Variants in SLC13A5 observed in about 807,000 individuals in gnomAD.
The protein encoded by SLC13A5 is Na(+)/citrate cotransporter.
In SLC13A5, 25 loss-of-function variants were observed where a neutral mutation model predicts 56.5. The ratio of observed to expected loss-of-function variants is 0.44; its 90% CI spans 0.32 to 0.62. The LOEUF is 0.62. SLC13A5 is among the 20% of genes least tolerant of loss of function. SLC13A5 has a pLI of 0.04. For synonymous variants in SLC13A5, 307 were observed against 301.5 expected (o/e 1.02, Z -0.19); for missense variants, 649 against 737.8 (o/e 0.88, Z 1.39).
chr17:6,696,599 G>A lies in SLC13A5; in HGVS notation c.840-658C>T, dbSNP rs575610042. 3.3e-5 allele frequency among the ~76,000 whole-genome samples: 5 copies of A among 152,192 alleles called. No homozygotes were observed. In the South Asian group the frequency reaches 8.3e-4, roughly 25 times the overall value. On this transcript the variant is annotated intron_variant, in intron 6 of 11. Transcript: ENST00000433363. ...CCTGCAGGGCCTCCCCTAAGGTGGC[G>A]TTGGCATGAGGAGGCAGGGAGGAGA... is the stretch of plus-strand genomic sequence containing the variant.
chr17:6,692,290 C>CGGAT lies in SLC13A5; in HGVS notation c.1275+750_1275+753dup, dbSNP rs756927129. Among the ~76,000 whole-genome samples the CGGAT allele has an allele frequency of 6.7e-6, 1 of 149,016 alleles. No individual in the cohort carries two copies. The highest frequency in any genetic ancestry group is 1.5e-5 in the Non-Finnish European group (1 of 67,524). ...ATGGATGGATGGACGGATGGACGGA[C>CGGAT]GGATGGATGGATGAAGACATGAATA... On this transcript the variant is annotated intron_variant, in intron 9 of 11. Coordinates refer to ENST00000433363, the MANE Select transcript of SLC13A5 (RefSeq NM_177550.5). This position sits in a 1 kb window ranked among gnomAD's most constrained non-coding sequence, Gnocchi z 5.5.
At position 6,692,041 on chromosome 17, in the gene SLC13A5, A is replaced by C. The variant is rs1973419360; in HGVS notation, c.1275+1003T>G. On this transcript the variant is annotated intron_variant, in intron 9 of 11. Transcript: ENST00000433363. The surrounding 1 kb of genome is among the most constrained non-coding windows in gnomAD (Gnocchi z 5.5). ...TCTGTGAAGTCTGCCACGAACAGGGACCGTATCTCAATCTCCTCTGTAATC... is the reference window on the plus strand; with the variant it reads ...TCTGTGAAGTCTGCCACGAACAGGGCCCGTATCTCAATCTCCTCTGTAATC... Among the ~76,000 whole-genome samples, 1 of 152,110 alleles carries C rather than the reference A, an allele frequency of 6.6e-6. No individual in the cohort carries two copies.
At chr17:6,694,026 GCA>G (rs1973489037) in intron 8 of SLC13A5, 69 bp downstream of exon 8, 12 of 973,730 alleles carry the variant, frequency 1.2e-5, no homozygotes, top group Non-Finnish European at 1.7e-5. Context: ...AGGGCCCAAG[GCA>G]TCCCATAGTG....
intron 1 of SLC13A5, among the ~76,000 whole-genome samples, chr17:6,708,927 G>A (rs4274481): frequency 0.22 from 32,789 of 151,492 alleles, 3,865 homozygotes; most frequent in East Asian, 0.32. Context: ...TAATGTGCAC[G>A]CTCCACACAG....
chr17:6,686,555 C>G (rs1366914796), intron 11 of SLC13A5: 2 of 552,050 alleles, frequency 3.6e-6, no homozygotes, highest in East Asian at 6.3e-5. Flanking sequence ...GATGGGTTCT[C>G]TATGCCCGTG....
Position 6,692,073 on chromosome 17 carries a change from C to A in SLC13A5, c.1275+971G>T, listed in dbSNP as rs929197536. Among the ~76,000 whole-genome samples, 1 of 151,902 alleles carries A rather than the reference C, an allele frequency of 6.6e-6. No homozygotes were observed. Among genetic ancestry groups the A allele is most frequent in the Non-Finnish European group, 1.5e-5 (1 of 68,014 alleles). ...CTCAATCTCCTCTGTAATCTCTGTG[C>A]CTGGCATAACACTAGGGACATAATA... On this transcript the variant is annotated intron_variant, in intron 9 of 11. Coordinates refer to ENST00000433363, the MANE Select transcript of SLC13A5 (RefSeq NM_177550.5). This position sits in a 1 kb window ranked among gnomAD's most constrained non-coding sequence, Gnocchi z 5.5.
chr17:6,685,137 G>T lies in SLC13A5; in HGVS notation c.*1070C>A, dbSNP rs1317262693. On this transcript the variant is annotated 3_prime_UTR_variant, in exon 12 of 12. Coordinates refer to ENST00000433363, the MANE Select transcript of SLC13A5 (RefSeq NM_177550.5). The surrounding 1 kb of genome is among the most constrained non-coding windows in gnomAD (Gnocchi z 4.2). The stretch of plus-strand genomic sequence containing the variant: ...CGATCCTCTGTTGTCACCAGCCATG[G>T]CTGTGAAGGCCAGTCAACAAAGGGA... 6.6e-6 allele frequency: 1 copy of T among 152,248 alleles called. No homozygotes were observed. Among genetic ancestry groups the T allele is most frequent in the African/African-American group, 2.4e-5 (1 of 41,444 alleles). 9.4% of individuals were successfully genotyped at this position (152,248 alleles called of 1,614,324 possible).
chr17:6,709,749 T>A (rs1309801131), intron 1 of SLC13A5, among the ~76,000 whole-genome samples: 1 of 152,184 alleles, frequency 6.6e-6, no homozygotes, highest in Non-Finnish European at 1.5e-5. Context: ...GGTTGTGTTA[T>A]CAGCCACAAA....
intron 6 of SLC13A5, among the ~76,000 whole-genome samples, chr17:6,699,279 A>C (rs1973647061): frequency 6.6e-6 from 1 of 151,964 alleles, no homozygotes; most frequent in South Asian, 2.1e-4. Flanking sequence ...AATGAACAGG[A>C]CTTTGGCCCT....
intron 4 of SLC13A5, among the ~76,000 whole-genome samples, chr17:6,703,341 A>C (rs1973770516): frequency 6.6e-6 from 1 of 152,340 alleles, no homozygotes; most frequent in Non-Finnish European, 1.5e-5. Context: ...GGGTCTGGCA[A>C]TCAGGCCGTC....
intron 1 of SLC13A5, among the ~76,000 whole-genome samples, chr17:6,708,263 C>T (rs1316823270): frequency 6.6e-6 from 1 of 152,254 alleles, no homozygotes; most frequent in Non-Finnish European, 1.5e-5. Context: ...CCACCGCGCC[C>T]AACCTCAGAG....
At position 6,701,977 on chromosome 17, in the gene SLC13A5, C is replaced by CT. The variant is rs1357993339; in HGVS notation, c.717-852dup. 6.6e-6 allele frequency among the ~76,000 whole-genome samples: 1 copy of CT among 152,212 alleles called. No individual in the cohort carries two copies. The highest frequency in any genetic ancestry group is 1.5e-5 in the Non-Finnish European group (1 of 68,044). ...CAAGAGTGTCAAAGCAGGCGCAGAG[C>CT]TTTCCCCACTCAGCCCAGACGGGCT... On this transcript the variant is annotated intron_variant, in intron 5 of 11. Transcript: ENST00000433363. This position sits in a 1 kb window ranked among gnomAD's most constrained non-coding sequence, Gnocchi z 4.1.
Position 6,692,274 on chromosome 17 carries a change from T to TGGACGGATGGAC in SLC13A5, c.1275+758_1275+769dup, listed in dbSNP as rs1313438631. Among the ~76,000 whole-genome samples, 2 of 149,216 alleles carry TGGACGGATGGAC rather than the reference T, an allele frequency of 1.3e-5. No homozygotes were observed. The highest frequency in any genetic ancestry group is 4.9e-5 in the African/African-American group (2 of 40,506). ...ATGGATGGATGGATGGATGGATGGA[T>TGGACGGATGGAC]GGACGGATGGACGGACGGATGGATG... On this transcript the variant is annotated intron_variant, in intron 9 of 11. Transcript: ENST00000433363. This position sits in a 1 kb window ranked among gnomAD's most constrained non-coding sequence, Gnocchi z 5.5.
At chr17:6,703,299 A>G (rs1289666098) in intron 4 of SLC13A5, among the ~76,000 whole-genome samples, 161 bp from the exon 5 acceptor site, 1 of 152,216 alleles carries the variant, frequency 6.6e-6, no homozygotes, top group Non-Finnish European at 1.5e-5. Context: ...GATGTGCCCG[A>G]TTCCTCTCTG....
chr17:6,687,519 G>A lies in SLC13A5; in HGVS notation c.1575+10C>T. 1.2e-6 allele frequency: 2 copies of A among 1,613,550 alleles called. No homozygotes were observed. The highest frequency in any genetic ancestry group is 1.7e-5 in the Admixed American group (1 of 59,838). The stretch of plus-strand genomic sequence containing the variant: ...AGTCCGACGGGAGTAAATAAAAACA[G>A]CTGTGTTACCATGTCAGCAACCTTG... On this transcript the variant is annotated intron_variant, in intron 11 of 11. Transcript: ENST00000433363. The surrounding 1 kb of genome is among the most constrained non-coding windows in gnomAD (Gnocchi z 5.0).
Position 6,687,792 on chromosome 17 carries a change from C to T in SLC13A5, c.1438-126G>A. 1 of 1,208,096 alleles carries T rather than the reference C, an allele frequency of 8.3e-7. No individual in the cohort carries two copies. The highest frequency in any genetic ancestry group is 3.0e-5 in the East Asian group (1 of 33,366). The allele number at this position is 1,208,096 out of a possible 1,614,324, so 74.8% of individuals were successfully genotyped here. A position where few individuals can be genotyped will look rare whatever the true frequency, so the allele number is the denominator to read the frequency against. On this transcript the variant is annotated intron_variant, in intron 10 of 11. Coordinates refer to ENST00000433363, the MANE Select transcript of SLC13A5 (RefSeq NM_177550.5). This position sits in a 1 kb window ranked among gnomAD's most constrained non-coding sequence, Gnocchi z 5.0. ...CCTCTGTGCCTCAGTCTTGGTTCCT[C>T]TCCCTTTTGCCACGTCTCTGGCAGA...
intron 6 of SLC13A5, among the ~76,000 whole-genome samples, chr17:6,700,585 C>T (rs1484863759): frequency 2.0e-5 from 3 of 152,204 alleles, no homozygotes; most frequent in Non-Finnish European, 1.5e-5. Context: ...CCTGCTCTTC[C>T]TCCCTGTGCT....
chr17:6,698,312 G>A (rs1284805612), intron 6 of SLC13A5, among the ~76,000 whole-genome samples: 1 of 152,220 alleles, frequency 6.6e-6, no homozygotes, highest in African/African-American at 2.4e-5. Flanking sequence ...AACAAAAGCT[G>A]ATGAAGGCCG....
rs548750679 is a variant in SLC13A5 at position 6,695,067 on chromosome 17, G to C, written c.1055+659C>G. ...GAGAAAGGGAAGATGGCAGAGCAGA[G>C]ATTTGGAAACTAGAGCTCTGGGAAC... is the stretch of plus-strand genomic sequence containing the variant. On this transcript the variant is annotated intron_variant, in intron 7 of 11. Transcript: ENST00000433363. 2.3e-4 allele frequency among the ~76,000 whole-genome samples: 35 copies of C among 152,292 alleles called. 1 individual carries two copies. The South Asian group carries it at 6.6e-3, about 29-fold the overall frequency.
Sources: allele counts gnomAD v4.1 joint callset (sites outside exome capture counted in the v4.1 genomes callset), GRCh38; gene constraint gnomAD v4.1.1; non-coding constraint Gnocchi (gnomAD v3.1); transcripts MANE v1.5; gene names NCBI Gene and HGNC (gene_info 2026-07-23, HGNC 2026-07-21).